Variants in MARCHF8 observed in about 807,000 individuals in gnomAD.
MARCHF8 encodes E3 ubiquitin-protein ligase MARCHF8.
MARCHF8 carries 40 observed loss-of-function variants against 51.6 expected under a neutral mutation model. The ratio of observed to expected loss-of-function variants is 0.77; its 90% CI spans 0.60 to 1.01. The LOEUF (loss-of-function observed/expected upper bound fraction) is 1.01, where lower values mean the gene tolerates loss of function less well. Ranked by LOEUF, MARCHF8 falls within the 50% of genes least tolerant of loss-of-function variation. The pLI is 0.00. For synonymous variants in MARCHF8, 263 were observed against 280.3 expected (o/e 0.94, Z 0.62); for missense variants, 685 against 708.6 (o/e 0.97, Z 0.38).
chr10:45,465,223 G>A (rs1412723332), intron 3 of MARCHF8, among the ~76,000 whole-genome samples: 1 of 152,118 alleles, frequency 6.6e-6, no homozygotes, highest in Non-Finnish European at 1.5e-5. Context: ...AGACCTATGC[G>A]TATTCATAAA....
At chr10:45,558,354 G>C (rs2044274563) in intron 1 of MARCHF8, among the ~76,000 whole-genome samples, 1 of 152,178 alleles carries the variant, frequency 6.6e-6, no homozygotes, top group African/African-American at 2.4e-5. Context: ...GAAGAGAGTA[G>C]TGGCTTGGAG....
At chr10:45,554,968 T>C (rs1004001020) in intron 1 of MARCHF8, among the ~76,000 whole-genome samples, 2 of 152,108 alleles carry the variant, frequency 1.3e-5, no homozygotes, top group African/African-American at 2.4e-5. Flanking sequence ...GGCAGAAGAA[T>C]TGCTTGAACC....
intron 2 of MARCHF8, among the ~76,000 whole-genome samples, chr10:45,489,689 C>T (rs2043047834): frequency 6.6e-6 from 1 of 152,008 alleles, no homozygotes; most frequent in African/African-American, 2.4e-5. Context: ...GTTTAGAATT[C>T]ACTGTCAAAA....
chr10:45,553,449 C>T (rs2044217422), intron 1 of MARCHF8, among the ~76,000 whole-genome samples: 1 of 152,146 alleles, frequency 6.6e-6, no homozygotes, highest in South Asian at 2.1e-4. Flanking sequence ...CAGAACAATC[C>T]ATCAGTAGCA....
intron 1 of MARCHF8, among the ~76,000 whole-genome samples, chr10:45,574,183 T>C (rs12783233): frequency 0.062 from 9,357 of 152,046 alleles, 332 homozygotes; most frequent in Non-Finnish European, 0.066. Context: ...TTACCCCACT[T>C]AATGCCAATA....
chr10:45,505,004 C>T (rs73287368), intron 2 of MARCHF8, among the ~76,000 whole-genome samples: 3,722 of 152,188 alleles, frequency 0.024, 157 homozygotes, highest in African/African-American at 0.084. Flanking sequence ...TTGCTCATTT[C>T]GAGCTGTTAA....
At chr10:45,505,292 A>T (rs915920351) in intron 2 of MARCHF8, among the ~76,000 whole-genome samples, 1 of 152,210 alleles carries the variant, frequency 6.6e-6, no homozygotes, top group Admixed American at 6.5e-5. Flanking sequence ...CCCCACTCCC[A>T]GTCCTAGGGG....
intron 1 of MARCHF8, among the ~76,000 whole-genome samples, chr10:45,552,539 T>C (rs1307982243): frequency 6.6e-6 from 1 of 151,724 alleles, no homozygotes; most frequent in Non-Finnish European, 1.5e-5. Flanking sequence ...GATTTTTAGT[T>C]TATTTTAAAT....
intron 2 of MARCHF8, among the ~76,000 whole-genome samples, chr10:45,526,735 A>C (rs1218535691): frequency 1.3e-5 from 2 of 151,972 alleles, no homozygotes; most frequent in Non-Finnish European, 2.9e-5. Flanking sequence ...GAAAAAAAAA[A>C]CCCCACTGGA....
At chr10:45,591,996 C>G (rs1378532886) in intron 1 of MARCHF8, among the ~76,000 whole-genome samples, 2 of 152,138 alleles carry the variant, frequency 1.3e-5, no homozygotes, top group African/African-American at 4.8e-5. Context: ...CTCTTCAAAG[C>G]CTTCATCATA....
chr10:45,552,848 G>T (rs576608676), intron 1 of MARCHF8, among the ~76,000 whole-genome samples: 3 of 152,232 alleles, frequency 2.0e-5, no homozygotes, highest in Non-Finnish European at 2.9e-5. Flanking sequence ...CTCCAAACCT[G>T]TTTATGTCAG....
intron 2 of MARCHF8, among the ~76,000 whole-genome samples, chr10:45,512,783 G>A (rs1256250681): frequency 1.3e-5 from 2 of 152,114 alleles, no homozygotes; most frequent in East Asian, 1.9e-4. Flanking sequence ...GGAATAGAAA[G>A]GGGGGAAAGG....
chr10:45,579,561 T>C (rs72798218), intron 1 of MARCHF8, among the ~76,000 whole-genome samples: 4,751 of 152,260 alleles, frequency 0.031, 102 homozygotes, highest in Non-Finnish European at 0.046. Flanking sequence ...CAATGAAAGA[T>C]GAGATGTTTT....
intron 2 of MARCHF8, among the ~76,000 whole-genome samples, chr10:45,513,533 G>C (rs1354110816): frequency 6.6e-6 from 1 of 152,126 alleles, no homozygotes; most frequent in Admixed American, 6.5e-5. Flanking sequence ...GTTTGTTAGA[G>C]TTTTAAAACT....
At chr10:45,590,750 G>A (rs1489112606) in intron 1 of MARCHF8, among the ~76,000 whole-genome samples, 1 of 152,154 alleles carries the variant, frequency 6.6e-6, no homozygotes, top group Non-Finnish European at 1.5e-5. Flanking sequence ...CAGGCCAGGC[G>A]CAGTGGCTTA....
chr10:45,517,462 T>C (rs1310947130), intron 2 of MARCHF8, among the ~76,000 whole-genome samples: 2 of 152,296 alleles, frequency 1.3e-5, no homozygotes, highest in Non-Finnish European at 2.9e-5. Context: ...GCTGTCCTCA[T>C]GATAGAGTGA....
chr10:45,588,998 C>CAAAAAA (rs72350925), intron 1 of MARCHF8, among the ~76,000 whole-genome samples: 1 of 87,670 alleles, frequency 1.1e-5, no homozygotes. Context: ...GACTACGTTT[C>CAAAAAA]AAAAAAAAAA....
At chr10:45,508,333 TAAAAAAAAAAAA>T (rs35317640) in intron 2 of MARCHF8, among the ~76,000 whole-genome samples, 12 of 94,928 alleles carry the variant, frequency 1.3e-4, no homozygotes, top group African/African-American at 4.3e-4. Context: ...TCTTTCACAG[TAAAAAAAAAAAA>T]AAAAAAAAGT....
chr10:45,471,217 G>C (rs577499312), intron 3 of MARCHF8, among the ~76,000 whole-genome samples: 10 of 152,324 alleles, frequency 6.6e-5, no homozygotes, highest in Admixed American at 1.3e-4. Flanking sequence ...TTCTACAGTG[G>C]CCTTTTAAAG....
Sources: gnomAD v4.1 joint callset for allele counts (sites outside exome capture counted in the v4.1 genomes callset) on GRCh38, gnomAD v4.1.1 for gene constraint, MANE v1.5 for transcripts, NCBI Gene and HGNC (gene_info 2026-07-23, HGNC 2026-07-21) for gene names.